The following SLC9D1 variants were observed in gnomAD, a reference collection of about 807,000 sequenced individuals.
The protein encoded by SLC9D1 is solute carrier family 9 member D1.
At chr13:113,529,446 C>A in the SLC9D1 span, 1 of 152,048 alleles carries the variant, frequency 6.6e-6, no homozygotes, top group African/African-American at 2.4e-5. Context: ...GTCAGGAGAT[C>A]GAGACCATCC....
chr13:113,493,236 C>T, the SLC9D1 span, among the ~76,000 whole-genome samples: 2 of 152,108 alleles, frequency 1.3e-5, no homozygotes, highest in African/African-American at 4.8e-5. Context: ...AGGAAGGAAC[C>T]AGAAATGAAC....
the SLC9D1 span, chr13:113,549,314 T>C: frequency 1.6e-6 from 2 of 1,236,800 alleles, no homozygotes; most frequent in Non-Finnish European, 2.3e-6. Context: ...GCCTCAGGAC[T>C]CTAGCTTTGC....
chr13:113,543,869 T>C, the SLC9D1 span, among the ~76,000 whole-genome samples: 1 of 152,176 alleles, frequency 6.6e-6, no homozygotes, highest in Admixed American at 6.5e-5. Flanking sequence ...TTCTACGTGT[T>C]TTTGCTCTAG....
At chr13:113,543,068 TC>T in the SLC9D1 span, among the ~76,000 whole-genome samples, 1 of 14,672 alleles carries the variant, frequency 6.8e-5, no homozygotes, top group Non-Finnish European at 1.3e-4. Context: ...TCCCCCTGCC[TC>T]CCGCCCTACC....
chr13:113,504,509 C>T, the SLC9D1 span: 4 of 152,172 alleles, frequency 2.6e-5, no homozygotes, highest in Non-Finnish European at 5.9e-5. Flanking sequence ...GCCCCAAGTC[C>T]GCAGAGTCCA....
chr13:113,493,324 T>G, the SLC9D1 span, among the ~76,000 whole-genome samples: 1 of 152,244 alleles, frequency 6.6e-6, no homozygotes, highest in Non-Finnish European at 1.5e-5. Flanking sequence ...AATCACTTTT[T>G]GGGATCTTTT....
chr13:113,498,297 T>G, the SLC9D1 span: 1 of 1,378,632 alleles, frequency 7.3e-7, no homozygotes, highest in Non-Finnish European at 9.7e-7. Flanking sequence ...ATGTCCTAGC[T>G]TATTTCTTAA....
chr13:113,546,466 A>G, the SLC9D1 span, among the ~76,000 whole-genome samples: 11 of 152,136 alleles, frequency 7.2e-5, no homozygotes, highest in African/African-American at 2.7e-4. The surrounding 1 kb of genome is among the most constrained non-coding windows in gnomAD (Gnocchi z 7.1). Context: ...CTGGGTGGCC[A>G]GAGAAGGCAG....
the SLC9D1 span, among the ~76,000 whole-genome samples, chr13:113,519,387 G>T: frequency 2.7e-4 from 41 of 151,900 alleles, no homozygotes; most frequent in African/African-American, 9.4e-4. Flanking sequence ...CTTGTTCGGG[G>T]TGGGGTTGGG....
the SLC9D1 span, among the ~76,000 whole-genome samples, chr13:113,512,160 G>A: frequency 1.3e-3 from 175 of 133,002 alleles, 2 homozygotes; most frequent in African/African-American, 4.5e-3. Context: ...ACTCGGAGTC[G>A]CGGGGGCCGG....
the SLC9D1 span, chr13:113,527,336 T>C: frequency 6.6e-6 from 1 of 152,218 alleles, no homozygotes; most frequent in South Asian, 2.1e-4. Flanking sequence ...TAGAGAACTT[T>C]CTTTGGTCAT....
At chr13:113,515,747 C>T in the SLC9D1 span, among the ~76,000 whole-genome samples, 27,953 of 151,416 alleles carry the variant, frequency 0.18, 3,355 homozygotes, top group African/African-American at 0.35. Context: ...AAAAATTAGC[C>T]GGGCATGGTG....
the SLC9D1 span, among the ~76,000 whole-genome samples, chr13:113,543,767 A>G: frequency 1.3e-4 from 20 of 151,452 alleles, no homozygotes; most frequent in African/African-American, 4.8e-4. Context: ...TTAAAAATCT[A>G]AAATTTCATA....
At chr13:113,543,056 C>G in the SLC9D1 span, among the ~76,000 whole-genome samples, 1 of 129,322 alleles carries the variant, frequency 7.7e-6, no homozygotes, top group Non-Finnish European at 1.7e-5. Context: ...ACCCCCACCT[C>G]CTCCCCCTGC....
chr13:113,496,527 A>C, the SLC9D1 span, among the ~76,000 whole-genome samples: 1 of 152,238 alleles, frequency 6.6e-6, no homozygotes, highest in East Asian at 1.9e-4. Context: ...TATGCTTTTA[A>C]AATGATGGGA....
chr13:113,500,152 A>G, the SLC9D1 span: 1 of 1,452,980 alleles, frequency 6.9e-7, no homozygotes, highest in Non-Finnish European at 9.2e-7. Flanking sequence ...TTATAAAGGT[A>G]GTGAGTCATG....
chr13:113,511,574 C>T, the SLC9D1 span, among the ~76,000 whole-genome samples: 1 of 152,266 alleles, frequency 6.6e-6, no homozygotes, highest in African/African-American at 2.4e-5. Flanking sequence ...TGCAGCCTCC[C>T]TGCTAGACGC....
the SLC9D1 span, among the ~76,000 whole-genome samples, chr13:113,491,470 C>T: frequency 3.3e-5 from 5 of 149,980 alleles, no homozygotes; most frequent in Admixed American, 6.6e-5. Flanking sequence ...CCCTTCTTCC[C>T]TTCCCAGGGG....
chr13:113,548,388 A>G, the SLC9D1 span: 17 of 1,613,474 alleles, frequency 1.1e-5, no homozygotes, highest in Non-Finnish European at 1.4e-5. Context: ...GGGCTTGCCC[A>G]GGTCAGCGAG....
Sources: allele counts gnomAD v4.1 joint callset (sites outside exome capture counted in the v4.1 genomes callset), GRCh38; gene constraint gnomAD v4.1.1; non-coding constraint Gnocchi (gnomAD v3.1); transcripts MANE v1.5; gene names NCBI Gene and HGNC (gene_info 2026-07-23, HGNC 2026-07-21).